RSU1: variants seen among roughly 807,000 people sequenced by gnomAD.
RSU1 encodes rsu-1.
A neutral mutation model predicts 31.1 loss-of-function variants in RSU1; 26 were observed. The ratio of observed to expected loss-of-function variants is 0.84; its 90% CI spans 0.61 to 1.16. The LOEUF (loss-of-function observed/expected upper bound fraction) is 1.16, where lower values mean the gene tolerates loss of function less well. RSU1 is among the 50% of genes most tolerant of loss of function. The pLI is 0.00. For synonymous variants in RSU1, 164 were observed against 136.3 expected, an observed-to-expected ratio of 1.20 and a Z score of -1.41; for missense variants, 320 against 339.1, an observed-to-expected ratio of 0.94 and a Z score of 0.44.
intron 8 of RSU1, among the ~76,000 whole-genome samples, chr10:16,634,711 A>C (rs187790662): frequency 6.6e-6 from 1 of 152,284 alleles, no homozygotes; most frequent in East Asian, 1.9e-4. Flanking sequence ...AAAATCAAAG[A>C]ATGTGGGGTC....
At chr10:16,753,922 T>C (rs190570322) in intron 5 of RSU1, among the ~76,000 whole-genome samples, 1 of 152,322 alleles carries the variant, frequency 6.6e-6, no homozygotes, top group East Asian at 1.9e-4. Flanking sequence ...TATGCCTGGC[T>C]ACTTTTTAAA....
At chr10:16,767,817 A>G (rs1235512353) in intron 3 of RSU1, among the ~76,000 whole-genome samples, 1 of 152,246 alleles carries the variant, frequency 6.6e-6, no homozygotes, top group Non-Finnish European at 1.5e-5. Flanking sequence ...CAGGGTATCA[A>G]AGTCAATCAA....
intron 8 of RSU1, among the ~76,000 whole-genome samples, chr10:16,652,627 A>G (rs1834707655): frequency 6.6e-6 from 1 of 152,170 alleles, no homozygotes; most frequent in Non-Finnish European, 1.5e-5. Context: ...GAACTCATAA[A>G]CATGGCAAAT....
At chr10:16,725,654 CT>C (rs1329196403) in intron 7 of RSU1, among the ~76,000 whole-genome samples, 1 of 151,748 alleles carries the variant, frequency 6.6e-6, no homozygotes, top group Non-Finnish European at 1.5e-5. Flanking sequence ...CAGCATTTCT[CT>C]TCTCCAGAGG....
At chr10:16,637,506 G>A (rs114950060) in intron 8 of RSU1, among the ~76,000 whole-genome samples, 3,722 of 151,010 alleles carry the variant, frequency 0.025, 167 homozygotes, top group African/African-American at 0.086. Context: ...TCAGTTCTGC[G>A]AAGTCTTTTC....
rs867448295 is a variant in RSU1 at position 16,767,304 on chromosome 10, C to T, written c.161-2794G>A. On this transcript the variant is annotated intron_variant, in intron 3 of 8. Transcript: ENST00000345264. ...AGAATAATGCAGCCAGAATTACTGC[C>T]GTCTTCCCGAAGTTACTCTGCCAGT... is the stretch of plus-strand genomic sequence containing the variant. The T allele has an allele frequency of 2.6e-5, 4 of 152,252 alleles. No homozygotes were observed. The South Asian group carries it at 6.2e-4, about 24-fold the overall frequency. 9.4% of individuals were successfully genotyped at this position (152,252 alleles called of 1,614,324 possible). A position where few individuals can be genotyped will look rare whatever the true frequency, so the allele number is the denominator to read the frequency against.
At chr10:16,676,582 G>T (rs1835236959) in intron 8 of RSU1, among the ~76,000 whole-genome samples, 1 of 152,178 alleles carries the variant, frequency 6.6e-6, no homozygotes, top group African/African-American at 2.4e-5. Context: ...GGGACCAGAA[G>T]TATTTTGGAT....
At position 16,681,246 on chromosome 10, in the gene RSU1, G is replaced by A. The variant is rs1588711766; in HGVS notation, c.731+13777C>T. Among the ~76,000 whole-genome samples the A allele has an allele frequency of 5.3e-5, 8 of 152,214 alleles. No individual in the cohort carries two copies. In the South Asian group the frequency reaches 1.5e-3, roughly 28 times the overall value. On this transcript the variant is annotated intron_variant, in intron 8 of 8. Transcript: ENST00000345264. ...CTTTCTCTAACCTATTAAGATGCTCGTTGTTTCTCTGATTTATCTGATAAT... is the reference window on the plus strand; with the variant it reads ...CTTTCTCTAACCTATTAAGATGCTCATTGTTTCTCTGATTTATCTGATAAT...
chr10:16,734,303 C>G (rs921637041), intron 7 of RSU1, among the ~76,000 whole-genome samples: 4 of 152,198 alleles, frequency 2.6e-5, no homozygotes, highest in African/African-American at 9.7e-5. Flanking sequence ...CTTTCAATAC[C>G]TATAACTTCC....
chr10:16,651,059 TCA>T (rs945439041), intron 8 of RSU1, among the ~76,000 whole-genome samples: 2 of 152,228 alleles, frequency 1.3e-5, no homozygotes, highest in African/African-American at 2.4e-5. Context: ...ATTTTTATTG[TCA>T]CATATTCAAG....
chr10:16,597,342 T>C (rs1388539497), intron 8 of RSU1, among the ~76,000 whole-genome samples: 1 of 152,208 alleles, frequency 6.6e-6, no homozygotes, highest in Non-Finnish European at 1.5e-5. Context: ...CTCTGCCTTT[T>C]TATATTCAGA....
chr10:16,603,105 G>C (rs964931376), intron 8 of RSU1, among the ~76,000 whole-genome samples: 2 of 152,140 alleles, frequency 1.3e-5, no homozygotes, highest in Non-Finnish European at 2.9e-5. Flanking sequence ...ATGGCAGCGT[G>C]TGTCTGTCAC....
intron 7 of RSU1, among the ~76,000 whole-genome samples, chr10:16,707,038 A>C (rs1213541233): frequency 1.3e-5 from 2 of 152,112 alleles, no homozygotes; most frequent in African/African-American, 2.4e-5. Flanking sequence ...ACAAAACATG[A>C]CTTCTTTCAG....
rs144510862 is a variant in RSU1, at chr10:16,677,554, G to C, written c.731+17469C>G. Among the ~76,000 whole-genome samples the C allele has an allele frequency of 1.9e-3, 294 of 152,232 alleles. 13 individuals carry two copies. The East Asian group carries it at 0.038, about 20-fold the overall frequency. On this transcript the variant is annotated intron_variant, in intron 8 of 8. Coordinates refer to ENST00000345264, the MANE Select transcript of RSU1 (RefSeq NM_012425.4). ...AACCAGAGTAAACCCAAGTCGTCTTGTATCATGCATGTGTACAGTGGCCTG... is the reference window on the plus strand; with the variant it reads ...AACCAGAGTAAACCCAAGTCGTCTTCTATCATGCATGTGTACAGTGGCCTG...
At chr10:16,632,696 T>G (rs1162130301) in intron 8 of RSU1, among the ~76,000 whole-genome samples, 2 of 152,088 alleles carry the variant, frequency 1.3e-5, no homozygotes, top group Non-Finnish European at 2.9e-5. Context: ...CCAAGCACTT[T>G]GAGAGGCCGA....
At position 16,614,691 on chromosome 10, in the gene RSU1, G is replaced by T. The variant is rs932972885; in HGVS notation, c.732-21195C>A. On this transcript the variant is annotated intron_variant, in intron 8 of 8. Transcript: ENST00000345264. ...TTAAAAGAGGAAACAGCCACTTTTT[G>T]ATATGCACCAGAAGACAAAAAGCAA... Among the ~76,000 whole-genome samples the T allele has an allele frequency of 6.6e-5, 10 of 152,174 alleles. No individual in the cohort carries two copies. The South Asian group carries it at 1.9e-3, about 28-fold the overall frequency.
chr10:16,647,663 G>A (rs539055767), intron 8 of RSU1, among the ~76,000 whole-genome samples: 6 of 152,240 alleles, frequency 3.9e-5, no homozygotes, highest in Non-Finnish European at 5.9e-5. Flanking sequence ...GTTGCCAAGG[G>A]CTGGGGGAAG....
At chr10:16,624,342 C>T (rs910083407) in intron 8 of RSU1, among the ~76,000 whole-genome samples, 1 of 152,086 alleles carries the variant, frequency 6.6e-6, no homozygotes, top group East Asian at 1.9e-4. Flanking sequence ...GGTCCCACTG[C>T]CCTAACCTCT....
At chr10:16,786,576 C>G (rs1024800045) in intron 2 of RSU1, among the ~76,000 whole-genome samples, 2 of 152,024 alleles carry the variant, frequency 1.3e-5, no homozygotes, top group African/African-American at 2.4e-5. Context: ...ACCCTCGGCC[C>G]CTCTCAGTGG....
Sources: allele counts gnomAD v4.1 joint callset (sites outside exome capture counted in the v4.1 genomes callset), GRCh38; gene constraint gnomAD v4.1.1; transcripts MANE v1.5; gene names NCBI Gene and HGNC (gene_info 2026-07-23, HGNC 2026-07-21).